Variants in FAM117B observed in about 807,000 individuals in gnomAD.
The protein encoded by FAM117B is family with sequence similarity 117 member B, also known as protein FAM117B.
FAM117B carries 22 observed loss-of-function variants against 52.8 expected under a neutral mutation model. That is an observed-to-expected ratio of 0.42 (90% CI 0.30 to 0.59). The LOEUF (loss-of-function observed/expected upper bound fraction) is 0.59. Ranked by LOEUF, FAM117B falls within the 20% of genes least tolerant of loss-of-function variation. The probability of loss-of-function intolerance (pLI) is 0.22; values close to 1 mark genes in which losing one functional copy is unlikely to be tolerated. For missense variants in FAM117B, 678 were observed against 802.6 expected (o/e 0.84, Z 1.88); for synonymous variants, 309 against 324.1 (o/e 0.95, Z 0.50).
intron 2 of FAM117B, among the ~76,000 whole-genome samples, chr2:202,699,805 A>T (rs1017513910): frequency 1.3e-5 from 2 of 152,170 alleles, no homozygotes; most frequent in African/African-American, 4.8e-5. Flanking sequence ...TTACAAATTG[A>T]AGGTTTGTGG....
chr2:202,663,741 A>G (rs940327093), intron 1 of FAM117B, among the ~76,000 whole-genome samples: 2 of 151,940 alleles, frequency 1.3e-5, no homozygotes, highest in East Asian at 1.9e-4. Flanking sequence ...CCCCTGCCAC[A>G]CCCAGCTAAG....
intron 1 of FAM117B, among the ~76,000 whole-genome samples, chr2:202,643,062 AAGT>A (rs1453300239): frequency 6.6e-6 from 1 of 152,176 alleles, no homozygotes; most frequent in Non-Finnish European, 1.5e-5. Flanking sequence ...CTGTGAGAGA[AAGT>A]AGTTTGAGAA....
chr2:202,733,115 G>A (rs1172263285), intron 4 of FAM117B, among the ~76,000 whole-genome samples: 1 of 152,096 alleles, frequency 6.6e-6, no homozygotes, highest in Non-Finnish European at 1.5e-5. Context: ...TGGTAGGTCT[G>A]TAATGTCCGC....
In FAM117B at chr2:202,769,199, G is replaced by A. The variant is rs893022146; in HGVS notation, c.*3435G>A. 2.6e-5 allele frequency: 4 copies of A among 152,128 alleles called. No homozygotes were observed. The highest frequency in any genetic ancestry group is 6.5e-5 in the Admixed American group (1 of 15,272). The allele number at this position is 152,128 out of a possible 1,614,324, so 9.4% of individuals were successfully genotyped here. On this transcript the variant is annotated 3_prime_UTR_variant, in exon 8 of 8. Coordinates refer to ENST00000392238, the MANE Select transcript of FAM117B (RefSeq NM_173511.4). ...AAAGTCCTTTTTCTTTGCTTTCAGT[G>A]GTTGGCTTTCACTGAAAGAAAGTGT...
At chr2:202,751,080 A>C (rs879330515) in intron 4 of FAM117B, among the ~76,000 whole-genome samples, 5 of 152,190 alleles carry the variant, frequency 3.3e-5, no homozygotes, top group African/African-American at 1.2e-4. Flanking sequence ...AAAATCAAAA[A>C]ATATAAGGGC....
chr2:202,650,411 A>C (rs1002315127), intron 1 of FAM117B, among the ~76,000 whole-genome samples: 11 of 152,216 alleles, frequency 7.2e-5, no homozygotes, highest in Non-Finnish European at 1.5e-5. Context: ...AATGCACTAA[A>C]ATTTTTAACC....
chr2:202,697,567 CT>C (rs1215827881), intron 2 of FAM117B, among the ~76,000 whole-genome samples: 29 of 146,822 alleles, frequency 2.0e-4, no homozygotes, highest in African/African-American at 6.0e-4. Context: ...TTTTTTTCCC[CT>C]GAGATAGAAT....
chr2:202,635,837 G>A, intron 1 of FAM117B, 49 bp downstream of exon 1: 1 of 1,360,362 alleles, frequency 7.4e-7, no homozygotes, highest in Non-Finnish European at 9.5e-7. Context: ...GCGGGAAGGG[G>A]TCCCGGGCGC....
intron 4 of FAM117B, among the ~76,000 whole-genome samples, chr2:202,739,616 C>T (rs907428058): frequency 5.3e-5 from 8 of 151,926 alleles, no homozygotes; most frequent in African/African-American, 1.7e-4. Flanking sequence ...CCACCATGCC[C>T]GGCTGATATT....
intron 1 of FAM117B, among the ~76,000 whole-genome samples, chr2:202,658,370 C>T (rs1041507057): frequency 6.6e-6 from 1 of 152,098 alleles, no homozygotes. Context: ...GGGGCGTGAT[C>T]TTGGCTCACT....
chr2:202,648,680 A>T (rs1263716101), intron 1 of FAM117B, among the ~76,000 whole-genome samples: 2 of 152,026 alleles, frequency 1.3e-5, no homozygotes, highest in African/African-American at 4.8e-5. Context: ...CTGTTAAATG[A>T]TGCTAGGTTG....
Position 202,650,735 on chromosome 2 carries a change from C to G in FAM117B, c.601+14947C>G, listed in dbSNP as rs571908894. Reference sequence around the variant, plus strand: ...TCCAAGAGTCCAAAAGCTGAAGAAACTGGAGTGAGATGTTTAAGGGCAGAA... The same window carrying G: ...TCCAAGAGTCCAAAAGCTGAAGAAAGTGGAGTGAGATGTTTAAGGGCAGAA... On this transcript the variant is annotated intron_variant, in intron 1 of 7. Coordinates refer to ENST00000392238, the MANE Select transcript of FAM117B (RefSeq NM_173511.4). 3.9e-5 allele frequency among the ~76,000 whole-genome samples: 6 copies of G among 152,286 alleles called. No homozygotes were observed. In the South Asian group the frequency reaches 1.2e-3, roughly 32 times the overall value.
Position 202,684,087 on chromosome 2 carries a change from G to A in FAM117B, c.602-11794G>A, listed in dbSNP as rs140945779. 9.9e-5 allele frequency among the ~76,000 whole-genome samples: 15 copies of A among 152,140 alleles called. No individual in the cohort carries two copies. The East Asian group carries it at 2.9e-3, about 29-fold the overall frequency. The stretch of plus-strand genomic sequence containing the variant: ...TTGCCATGTTGCTCTGGCTGGTCTC[G>A]AACTCATGAGCTTAAGCAGTCTGCC... On this transcript the variant is annotated intron_variant, in intron 1 of 7. Transcript: ENST00000392238.
intron 2 of FAM117B, among the ~76,000 whole-genome samples, chr2:202,707,091 G>A (rs1237330857): frequency 3.9e-5 from 6 of 151,982 alleles, no homozygotes; most frequent in Admixed American, 3.9e-4. Flanking sequence ...TCACCAGCTG[G>A]AGTGCAGTGC....
chr2:202,731,368 T>TATATATATATATATATATATA (rs780138718), intron 4 of FAM117B, among the ~76,000 whole-genome samples: 2 of 95,838 alleles, frequency 2.1e-5, no homozygotes, highest in Non-Finnish European at 4.4e-5. Context: ...TATATATATA[T>TATATATATATATATATATATA]GGAGAGAGAG....
At chr2:202,697,451 T>C (rs896544841) in intron 2 of FAM117B, among the ~76,000 whole-genome samples, 5 of 152,206 alleles carry the variant, frequency 3.3e-5, no homozygotes, top group Admixed American at 1.3e-4. Flanking sequence ...AGATTTTTTA[T>C]ACTGATTGTT....
chr2:202,641,878 G>A (rs546845609), intron 1 of FAM117B, among the ~76,000 whole-genome samples: 1 of 151,350 alleles, frequency 6.6e-6, no homozygotes, highest in African/African-American at 2.4e-5. Flanking sequence ...ACCTCAGGCG[G>A]TCCATCCGCC....
At chr2:202,635,868 C>A in intron 1 of FAM117B, 80 bp downstream of exon 1, 2 of 1,267,734 alleles carry the variant, frequency 1.6e-6, no homozygotes, top group Non-Finnish European at 2.0e-6. Context: ...CGCGCGGGGA[C>A]TGCAGAGCTG....
At chr2:202,649,740 C>CG (rs1369023090) in intron 1 of FAM117B, among the ~76,000 whole-genome samples, 1 of 151,884 alleles carries the variant, frequency 6.6e-6, no homozygotes, top group Non-Finnish European at 1.5e-5. Flanking sequence ...TTAGTAAAGA[C>CG]GGGGTTTCAC....
Sources: allele counts gnomAD v4.1 joint callset (sites outside exome capture counted in the v4.1 genomes callset), GRCh38; gene constraint gnomAD v4.1.1; transcripts MANE v1.5; gene names NCBI Gene and HGNC (gene_info 2026-07-23, HGNC 2026-07-21).